Variants in GRSF1 observed in about 807,000 individuals in gnomAD.
The protein encoded by GRSF1 is G-rich sequence factor 1.
GRSF1 carries 50 observed loss-of-function variants against 51.1 expected under a neutral mutation model. That is an observed-to-expected ratio of 0.98 (90% confidence interval 0.78 to 1.24). GRSF1 has a LOEUF of 1.24. Among genes scored for constraint, GRSF1 ranks in the 50% most tolerant of loss-of-function variants. GRSF1 has a pLI of 0.00. For missense variants in GRSF1, 700 were observed against 639.7 expected (o/e 1.09, Z -1.02); for synonymous variants, 293 against 253.3 (o/e 1.16, Z -1.49).
At chr4:70,821,917 C>T (rs568588748) in intron 9 of GRSF1, among the ~76,000 whole-genome samples, 44 of 152,152 alleles carry the variant, frequency 2.9e-4, no homozygotes, top group African/African-American at 1.0e-3. Context: ...CTCAGGTGAT[C>T]TGCCTGCCTC....
At chr4:70,838,112 G>C (rs1038546115) in intron 1 of GRSF1, among the ~76,000 whole-genome samples, 6 of 150,684 alleles carry the variant, frequency 4.0e-5, no homozygotes, top group Non-Finnish European at 8.9e-5. Flanking sequence ...CCAGCTACTC[G>C]GGAGGCTGAA....
rs745333680 is a variant in GRSF1 at position 70,832,412 on chromosome 4, T to C, written c.709A>G (p.Lys237Glu). ...INNEDVDALM[K>E]SLQVKSSPVV... ...GGCGAAGATTTGACCTGCAAGCTCT[T>C]CATTAAGGCATCCACATCTTCATTG... The change falls in exon 4 of 10, where the codon AAG (lysine) becomes GAG (glutamate). Residue 237 changes from lysine (K) to glutamate (E), a missense_variant. Lys to Glu is a moderately conservative substitution (Grantham distance 56, BLOSUM62 1). Coordinates refer to ENST00000254799, the MANE Select transcript of GRSF1 (RefSeq NM_002092.4). The C allele has an allele frequency of 1.2e-6, 2 of 1,610,668 alleles. No individual in the cohort carries two copies. Among genetic ancestry groups the C allele is most frequent in the Non-Finnish European group, 8.5e-7 (1 of 1,177,012 alleles).
At chr4:70,842,603 ATT>A (rs200160353), upstream of GRSF1, among the ~76,000 whole-genome samples, 2,333 of 151,914 alleles carry the variant, frequency 0.015, 78 homozygotes, top group African/African-American at 0.051. Context: ...CACCTGACCT[ATT>A]TTTCTTTTCG....
At chr4:70,830,154 G>A (rs1453704335) in intron 5 of GRSF1, among the ~76,000 whole-genome samples, 4 of 152,130 alleles carry the variant, frequency 2.6e-5, no homozygotes, top group Non-Finnish European at 4.4e-5. Context: ...GTGGTCAGGT[G>A]CAGTGGCTCA....
chr4:70,840,845 T>G (rs6826332), upstream of GRSF1, among the ~76,000 whole-genome samples: 3 of 152,114 alleles, frequency 2.0e-5, no homozygotes, highest in Admixed American at 2.0e-4. Context: ...TGTGCTGCCC[T>G]GCGCTGTGCC....
chr4:70,829,022 A>C (rs1229030947), intron 5 of GRSF1, among the ~76,000 whole-genome samples: 1 of 151,556 alleles, frequency 6.6e-6, no homozygotes, highest in Non-Finnish European at 1.5e-5. Context: ...TATAGGCATG[A>C]GCCACCATGC....
At chr4:70,824,486 A>G (rs1436781402) in intron 8 of GRSF1, 118 bp from the exon 9 acceptor site, 1 of 621,510 alleles carries the variant, frequency 1.6e-6, no homozygotes, top group Non-Finnish European at 2.9e-6. Context: ...TTCCCTAATT[A>G]AAAACAAAAT....
rs1382823973 is a variant in GRSF1, at chr4:70,831,636, T to C, written c.853A>G (p.Arg285Gly). The change falls in exon 5 of 10, where the codon AGA (arginine) becomes GGA (glycine). Residue 285 changes from arginine to glycine, a missense_variant. Transcript: ENST00000254799. ...GCTTCCCCTGTTTTTCGCCTCCCTC[T>C]ATAGTCCATCACAAAAGTAATGTCA... ...IVDITFVMDYRGRRKTGEAYV... is the reference protein window; with the variant it reads ...IVDITFVMDYGGRRKTGEAYV... The C allele has an allele frequency of 1.2e-6, 2 of 1,613,626 alleles. No individual in the cohort carries two copies. The highest frequency in any genetic ancestry group is 4.5e-5 in the East Asian group (2 of 44,876).
upstream of GRSF1, among the ~76,000 whole-genome samples, chr4:70,840,538 G>T (rs896527805): frequency 6.6e-6 from 1 of 152,112 alleles, no homozygotes; most frequent in African/African-American, 2.4e-5. Context: ...GAGGTAGGGC[G>T]GATCACCTGA....
chr4:70,832,145 T>C (rs754894224), intron 4 of GRSF1, among the ~76,000 whole-genome samples, 162 bp downstream of exon 4: 4 of 151,964 alleles, frequency 2.6e-5, no homozygotes, highest in South Asian at 2.1e-4. Context: ...CAAAAACACA[T>C]ATAAAATCTA....
intron 4 of GRSF1, among the ~76,000 whole-genome samples, chr4:70,831,997 AAT>A (rs1733995181): frequency 6.6e-6 from 1 of 152,014 alleles, no homozygotes; most frequent in Non-Finnish European, 1.5e-5. Flanking sequence ...GGAATTAGAA[AAT>A]ACTTTTAAAT....
chr4:70,836,602 C>T (rs925015315), intron 1 of GRSF1, among the ~76,000 whole-genome samples: 1 of 152,110 alleles, frequency 6.6e-6, no homozygotes, highest in East Asian at 1.9e-4. Flanking sequence ...TAAGGCAACA[C>T]AAGAAAGGTC....
rs1733330702 is a variant in GRSF1, at chr4:70,816,894, G to C, written c.*3993C>G. The C allele has an allele frequency of 6.6e-6, 1 of 152,182 alleles. No individual in the cohort carries two copies. Among genetic ancestry groups the C allele is most frequent in the African/African-American group, 2.4e-5 (1 of 41,442 alleles). The allele number at this position is 152,182 out of a possible 1,614,324, so 9.4% of individuals were successfully genotyped here. A position where few individuals can be genotyped will look rare whatever the true frequency, so the allele number is the denominator to read the frequency against. On this transcript the variant is annotated 3_prime_UTR_variant, in exon 10 of 10. Coordinates refer to ENST00000254799, the MANE Select transcript of GRSF1 (RefSeq NM_002092.4). ...ATGCTGCTTGTACAATCTAAGGGAT[G>C]GGTATTGGCATCACCAAGATTTTAT...
In GRSF1 at chr4:70,831,139, C is replaced by T. The variant is rs554670292; in HGVS notation, c.950+400G>A. ...TTGGGAGGCCGAGGCGGGCGGATCA[C>T]AAGGTCGAGAGATCGAGACCACCCT... is the stretch of plus-strand genomic sequence containing the variant. On this transcript the variant is annotated intron_variant, in intron 5 of 9. Coordinates refer to ENST00000254799, the MANE Select transcript of GRSF1 (RefSeq NM_002092.4). Among the ~76,000 whole-genome samples the T allele has an allele frequency of 7.2e-5, 11 of 152,042 alleles. No homozygotes were observed. The East Asian group carries it at 1.4e-3, about 19-fold the overall frequency.
chr4:70,839,866 C>T lies in GRSF1; in HGVS notation c.-39G>A, dbSNP rs1356082670. The T allele has an allele frequency of 4.9e-6, 7 of 1,439,346 alleles. No individual in the cohort carries two copies. The highest frequency in any genetic ancestry group is 3.0e-5 in the East Asian group (1 of 33,732). 89.2% of individuals were successfully genotyped at this position (1,439,346 alleles called of 1,614,324 possible). A position where few individuals can be genotyped will look rare whatever the true frequency, so the allele number is the denominator to read the frequency against. Reference sequence around the variant, plus strand: ...GGCGCAGGGCCTGAAGGCAGCTGCTCCAGCAGCGATGGTGGAACGGAAGTG... The same window carrying T: ...GGCGCAGGGCCTGAAGGCAGCTGCTTCAGCAGCGATGGTGGAACGGAAGTG... On this transcript the variant is annotated 5_prime_UTR_variant, in exon 1 of 10. Transcript: ENST00000254799.
chr4:70,833,321 A>G (rs1476547311), intron 2 of GRSF1, 48 bp from the exon 3 acceptor site: 3 of 1,540,090 alleles, frequency 1.9e-6, no homozygotes, highest in Non-Finnish European at 1.8e-6. Context: ...TCAAACTTTT[A>G]GCTCAATTAT....
intron 2 of GRSF1, among the ~76,000 whole-genome samples, chr4:70,835,166 G>A (rs1035171822): frequency 4.6e-5 from 7 of 151,528 alleles, no homozygotes; most frequent in African/African-American, 9.7e-5. Context: ...CATACCAGCC[G>A]GGCACGGTGG....
intron 5 of GRSF1, among the ~76,000 whole-genome samples, chr4:70,829,265 A>G (rs1286320296): frequency 6.6e-6 from 1 of 152,090 alleles, no homozygotes. Context: ...ATCTATAAAG[A>G]TTAGATGAGC....
chr4:70,828,609 C>T (rs1258212697), intron 5 of GRSF1, among the ~76,000 whole-genome samples: 1 of 152,010 alleles, frequency 6.6e-6, no homozygotes, highest in South Asian at 2.1e-4. Flanking sequence ...CTTGCTGTCA[C>T]CCAAGATGGT....
Sources: allele counts gnomAD v4.1 joint callset (sites outside exome capture counted in the v4.1 genomes callset), GRCh38; gene constraint gnomAD v4.1.1; transcripts MANE v1.5; gene names NCBI Gene and HGNC (gene_info 2026-07-23, HGNC 2026-07-21).